CHD2: variants seen among roughly 807,000 people sequenced by gnomAD.
The protein encoded by CHD2 is chromodomain helicase DNA binding protein 2.
A neutral mutation model predicts 243.9 loss-of-function variants in CHD2; 28 were observed. The ratio of observed to expected loss-of-function variants is 0.11; its 90% CI spans 0.09 to 0.16. The LOEUF (loss-of-function observed/expected upper bound fraction) is 0.16. CHD2 is among the 10% of genes least tolerant of loss of function. CHD2 has a pLI of 1.00. For synonymous variants in CHD2, 775 were observed against 779.0 expected, an observed-to-expected ratio of 0.99 and a Z score of 0.09; for missense variants, 1,386 against 2,209.8, an observed-to-expected ratio of 0.63 and a Z score of 7.47.
chr15:92,970,420 C>G (rs1242118558), intron 17 of CHD2, among the ~76,000 whole-genome samples: 1 of 152,118 alleles, frequency 6.6e-6, no homozygotes, highest in Non-Finnish European at 1.5e-5. Flanking sequence ...AGGCTGGTCT[C>G]GAACTCCCAA....
intron 34 of CHD2, among the ~76,000 whole-genome samples, chr15:93,008,276 G>T (rs1415110852): frequency 6.6e-6 from 1 of 152,214 alleles, no homozygotes; most frequent in Admixed American, 6.5e-5. Flanking sequence ...AGTGTGGTGG[G>T]CTCAGCCCTC....
chr15:92,993,232 T>A (rs2054143430), intron 28 of CHD2: 1 of 433,822 alleles, frequency 2.3e-6, no homozygotes, highest in South Asian at 2.9e-5. Context: ...AATGGTTTTT[T>A]TTTGTGTTGC....
chr15:92,941,930 A>C lies in CHD2; in HGVS notation c.801A>C (p.Leu267Phe). Reference sequence around the variant, plus strand: ...ATAGTGAAACTATTGAAAAGGTCTTAGATTCAAGACTGGGAAAGAAAGGAG... The same window carrying C: ...ATAGTGAAACTATTGAAAAGGTCTTCGATTCAAGACTGGGAAAGAAAGGAG... The part of the protein sequence containing the change: ...QDNSETIEKV[L>F]DSRLGKKGAT... The change falls in exon 8 of 39, where the codon TTA becomes TTC. Residue 267 changes from leucine (L) to phenylalanine (F), a missense_variant. Transcript: ENST00000394196. 1 of 1,613,288 alleles carries C rather than the reference A, an allele frequency of 6.2e-7. No individual in the cohort carries two copies. Among genetic ancestry groups the C allele is most frequent in the Non-Finnish European group, 8.5e-7 (1 of 1,179,628 alleles).
At chr15:93,010,070 C>T (rs2054371333) in intron 35 of CHD2, among the ~76,000 whole-genome samples, 1 of 152,198 alleles carries the variant, frequency 6.6e-6, no homozygotes, top group South Asian at 2.1e-4. Context: ...TATGCCTTTG[C>T]ATCCAATGTT....
intron 38 of CHD2, 124 bp downstream of exon 38, chr15:93,020,382 C>A: frequency 1.6e-6 from 2 of 1,217,068 alleles, no homozygotes; most frequent in Non-Finnish European, 2.3e-6. Flanking sequence ...ATGCATGTGT[C>A]AGCCACAGCG....
intron 5 of CHD2, among the ~76,000 whole-genome samples, chr15:92,936,837 CT>C (rs35440500): frequency 1.1e-3 from 164 of 144,236 alleles, no homozygotes; most frequent in Middle Eastern, 3.5e-3. Flanking sequence ...GCCCAGAAAT[CT>C]TTTTTTTTTT....
At chr15:93,020,559 G>A in intron 38 of CHD2, 1 of 559,004 alleles carries the variant, frequency 1.8e-6, no homozygotes, top group East Asian at 2.9e-5. Flanking sequence ...TCTGTGCGAG[G>A]CTGTCAGCCA....
chr15:93,011,649 T>G (rs891266735), intron 35 of CHD2, among the ~76,000 whole-genome samples: 10 of 152,180 alleles, frequency 6.6e-5, no homozygotes, highest in Non-Finnish European at 1.2e-4. Flanking sequence ...ATGAGACTCC[T>G]TTATCTGGCT....
At chr15:92,918,301 A>G (rs8028865) in intron 2 of CHD2, among the ~76,000 whole-genome samples, 14,471 of 152,230 alleles carry the variant, frequency 0.095, 810 homozygotes, top group Middle Eastern at 0.18. Flanking sequence ...CCTTTTTCTC[A>G]TCAGCATTTA....
At chr15:92,953,043 G>A (rs1267810312) in intron 13 of CHD2, among the ~76,000 whole-genome samples, 1 of 152,192 alleles carries the variant, frequency 6.6e-6, no homozygotes, top group East Asian at 1.9e-4. Context: ...TTTTTACAAA[G>A]CCTGTCTTCT....
intron 24 of CHD2, among the ~76,000 whole-genome samples, chr15:92,983,830 A>G (rs1009724668): frequency 2.0e-5 from 3 of 152,196 alleles, no homozygotes; most frequent in Non-Finnish European, 4.4e-5. Flanking sequence ...TGAAATCACC[A>G]CACATCTTTA....
At chr15:92,932,289 CT>C (rs34925592) in intron 5 of CHD2, among the ~76,000 whole-genome samples, 488 of 139,662 alleles carry the variant, frequency 3.5e-3, no homozygotes, top group Admixed American at 3.9e-3. Context: ...AGTTGCACAT[CT>C]TTTTTTTTTT....
chr15:92,953,309 T>C (rs758333003), intron 13 of CHD2, 48 bp from the exon 14 acceptor site: 4 of 1,506,482 alleles, frequency 2.7e-6, no homozygotes, highest in Non-Finnish European at 2.8e-6. Context: ...TTCTGTGTTT[T>C]GGTGAACTAA....
Position 92,972,345 on chromosome 15 carries a change from T to A in CHD2, c.2433T>A (p.Leu811=). The change falls in exon 19 of 39, where the codon CTT becomes CTA. Residue 811 remains leucine (L), a synonymous_variant. Transcript: ENST00000394196. The part of the protein sequence containing the change: ...TRLRERGNRV[L]IFSQMVRMLD... ...TTCGAGAAAGGGGGAATCGAGTGCT[T>A]ATCTTCTCTCAGATGGTGAGAATGT... is the stretch of plus-strand genomic sequence containing the variant. The A allele has an allele frequency of 6.2e-7, 1 of 1,612,698 alleles. No homozygotes were observed. Among genetic ancestry groups the A allele is most frequent in the Non-Finnish European group, 8.5e-7 (1 of 1,179,390 alleles).
At chr15:92,960,407 G>GTTTTT (rs908412759) in intron 16 of CHD2, among the ~76,000 whole-genome samples, 37 of 152,192 alleles carry the variant, frequency 2.4e-4, no homozygotes, top group African/African-American at 8.4e-4. Flanking sequence ...GGCTATAGAT[G>GTTTTT]TTTTTTGTAG....
At chr15:92,915,184 C>T (rs2141724175) in intron 2 of CHD2, among the ~76,000 whole-genome samples, 1 of 152,154 alleles carries the variant, frequency 6.6e-6, no homozygotes, top group Admixed American at 6.5e-5. Flanking sequence ...TGGGGAGGGG[C>T]CTGCACCTTA....
At chr15:92,929,423 G>A (rs2053124291) in intron 5 of CHD2, among the ~76,000 whole-genome samples, 1 of 152,076 alleles carries the variant, frequency 6.6e-6, no homozygotes, top group Admixed American at 6.5e-5. Flanking sequence ...CAGGTATTTG[G>A]TATTGTAGTA....
chr15:92,974,738 T>C (rs111713938), intron 19 of CHD2, 141 bp from the exon 20 acceptor site: 1 of 671,712 alleles, frequency 1.5e-6, no homozygotes, highest in Non-Finnish European at 2.6e-6. Context: ...TAAGCACAGC[T>C]TCTTCATAGC....
chr15:93,024,365 A>G lies in CHD2; in HGVS notation c.5154-7A>G. 2 of 1,609,670 alleles carry G rather than the reference A, an allele frequency of 1.2e-6. No homozygotes were observed. Among genetic ancestry groups the G allele is most frequent in the East Asian group, 2.2e-5 (1 of 44,844 alleles). Reference sequence around the variant, plus strand: ...TCTTTCGACTAATCCTTGCATCTCTATTTCAGGCACCATCATGACTCCAAG... The same window carrying G: ...TCTTTCGACTAATCCTTGCATCTCTGTTTCAGGCACCATCATGACTCCAAG... On this transcript the variant is annotated splice_polypyrimidine_tract_variant and splice_region_variant and intron_variant, in intron 38 of 38. Coordinates refer to ENST00000394196, the MANE Select transcript of CHD2 (RefSeq NM_001271.4).
Sources: allele counts gnomAD v4.1 joint callset (sites outside exome capture counted in the v4.1 genomes callset), GRCh38; gene constraint gnomAD v4.1.1; transcripts MANE v1.5; gene names NCBI Gene and HGNC (gene_info 2026-07-23, HGNC 2026-07-21).